GDF2: variants seen among roughly 807,000 people sequenced by gnomAD.
GDF2 encodes growth/differentiation factor 2.
GDF2 carries 17 observed loss-of-function variants against 16.9 expected under a neutral mutation model. The observed-to-expected ratio is 1.00, with a 90% CI of 0.69 to 1.51. The LOEUF (loss-of-function observed/expected upper bound fraction) is 1.51, where lower values mean the gene tolerates loss of function less well. GDF2 is among the 40% of genes most tolerant of loss of function. The probability of loss-of-function intolerance (pLI) is 0.00; values close to 1 mark genes in which losing one functional copy is unlikely to be tolerated. For missense variants in GDF2, 523 were observed against 556.3 expected, an observed-to-expected ratio of 0.94 and a Z score of 0.60; for synonymous variants, 276 against 237.6, an observed-to-expected ratio of 1.16 and a Z score of -1.49.
Position 47,325,628 on chromosome 10 carries a change from C to G in GDF2, c.1134C>G (p.Thr378=). 6.2e-7 allele frequency: 1 copy of G among 1,613,946 alleles called. No individual in the cohort carries two copies. The highest frequency in any genetic ancestry group is 8.5e-7 in the Non-Finnish European group (1 of 1,179,876). The change falls in exon 2 of 2, where the codon ACC becomes ACG. Residue 378 remains threonine (T), a synonymous_variant. Coordinates refer to ENST00000581492, the MANE Select transcript of GDF2 (RefSeq NM_016204.4). The stretch of plus-strand genomic sequence containing the variant: ...CGACGAAACACGCTATCGTGCAGAC[C>G]CTGGTGCATCTCAAGTTCCCCACAA... The part of the protein sequence containing the change: ...VTPTKHAIVQ[T]LVHLKFPTKV...
rs781935486 is a variant in GDF2, at chr10:47,325,692, C to A, written c.1198C>A (p.Pro400Thr). 6.2e-7 allele frequency: 1 copy of A among 1,606,636 alleles called. No homozygotes were observed. Among genetic ancestry groups the A allele is most frequent in the South Asian group, 1.1e-5 (1 of 89,926 alleles). The part of the protein sequence containing the change: ...KACCVPTKLS[P>T]ISVLYKDDMG... ...CTGCTGTGTGCCCACCAAACTGAGC[C>A]CCATCTCCGTCCTCTACAAGGATGA... is the stretch of plus-strand genomic sequence containing the variant. The change falls in exon 2 of 2, where the codon CCC (proline) becomes ACC (threonine). Residue 400 changes from proline (P) to threonine (T), a missense_variant. Transcript: ENST00000581492.
Position 47,323,004 on chromosome 10 carries a change from C to T in GDF2, c.336C>T (p.Phe112=), listed in dbSNP as rs2061090550. ...TTPASNIVRS[F]SMEDAISITA... The stretch of plus-strand genomic sequence containing the variant: ...CAGCGTCCAACATTGTGCGGAGCTT[C>T]AGCATGGAAGGTAGGGTCTCCGCTT... Residue 112 remains phenylalanine (F), a synonymous_variant, in exon 1 of 2, where the codon TTC becomes TTT. Transcript: ENST00000581492. 2 of 1,593,004 alleles carry T rather than the reference C, an allele frequency of 1.3e-6. No homozygotes were observed.
rs1469727324 is a variant in GDF2, at chr10:47,326,546, T to C, written c.*762T>C. 2.0e-5 allele frequency among the ~76,000 whole-genome samples: 3 copies of C among 152,196 alleles called. No individual in the cohort carries two copies. The highest frequency in any genetic ancestry group is 7.2e-5 in the African/African-American group (3 of 41,456). On this transcript the variant is annotated 3_prime_UTR_variant, in exon 2 of 2. Transcript: ENST00000581492. Reference sequence around the variant, plus strand: ...CTCAGCGGCCACATGCTTTTTAATATGACCCCTGAGGCACTGAAAAATAAC... The same window carrying C: ...CTCAGCGGCCACATGCTTTTTAATACGACCCCTGAGGCACTGAAAAATAAC...
chr10:47,324,139 A>G (rs1555208819), intron 1 of GDF2, among the ~76,000 whole-genome samples: 1 of 152,258 alleles, frequency 6.6e-6, no homozygotes, highest in African/African-American at 2.4e-5. Flanking sequence ...CGAGATAACT[A>G]TGTGGCTAAA....
chr10:47,325,188 A>G lies in GDF2; in HGVS notation c.694A>G (p.Ser232Gly). ...AAATAAGCTGGAAGTGACTGTGGAGAGCCACAGGAAGGGCTGCGACACGCT... is the reference window on the plus strand; with the variant it reads ...AAATAAGCTGGAAGTGACTGTGGAGGGCCACAGGAAGGGCTGCGACACGCT... ...SKNKLEVTVE[S>G]HRKGCDTLDI... Residue 232 changes from serine to glycine, a missense_variant, in exon 2 of 2, where the codon AGC (serine) becomes GGC (glycine). Transcript: ENST00000581492. 6.2e-7 allele frequency: 1 copy of G among 1,613,934 alleles called. No homozygotes were observed. The highest frequency in any genetic ancestry group is 8.5e-7 in the Non-Finnish European group (1 of 1,179,974).
At chr10:47,323,550 T>C (rs10508897) in intron 1 of GDF2, among the ~76,000 whole-genome samples, 3,486 of 152,348 alleles carry the variant, frequency 0.023, 148 homozygotes, top group African/African-American at 0.08. Context: ...TCAGATAAAA[T>C]TCTTGGACAG....
chr10:47,323,547 A>C (rs1349147909), intron 1 of GDF2, among the ~76,000 whole-genome samples: 2 of 152,262 alleles, frequency 1.3e-5, no homozygotes, highest in Non-Finnish European at 2.9e-5. Context: ...AAATCAGATA[A>C]AATTCTTGGA....
At position 47,325,021 on chromosome 10, in the gene GDF2, T is replaced by C. The variant is rs1555208886; in HGVS notation, c.527T>C (p.Leu176Pro). 6.2e-7 allele frequency: 1 copy of C among 1,614,110 alleles called. No individual in the cohort carries two copies. The highest frequency in any genetic ancestry group is 2.2e-5 in the East Asian group (1 of 44,882). The change falls in exon 2 of 2, where the codon CTG becomes CCG. Residue 176 changes from leucine to proline, a missense_variant. Leu to Pro is a moderately conservative substitution (Grantham distance 98). Coordinates refer to ENST00000581492, the MANE Select transcript of GDF2 (RefSeq NM_016204.4). Reference sequence around the variant, plus strand: ...GGAAGCGTGGTCATTTATGATGTTCTGGATGGAACAGATGCCTGGGATAGT... The same window carrying C: ...GGAAGCGTGGTCATTTATGATGTTCCGGATGGAACAGATGCCTGGGATAGT... ...LKGSVVIYDV[L>P]DGTDAWDSAT...
In GDF2 at chr10:47,322,525, G is replaced by A; in HGVS notation, c.-144G>A. 2 of 604,758 alleles carry A rather than the reference G, an allele frequency of 3.3e-6. No individual in the cohort carries two copies. Among genetic ancestry groups the A allele is most frequent in the Non-Finnish European group, 2.8e-6 (1 of 358,968 alleles). The allele number at this position is 604,758 out of a possible 1,614,324, so 37.5% of individuals were successfully genotyped here. ...GGAGGACAATCCAGCCCGGCAGCGG[G>A]TGAGAGTGGGTGCTGGCCAGGACGG... On this transcript the variant is annotated 5_prime_UTR_variant, in exon 1 of 2. The change creates a new upstream start codon in the 5' untranslated region. Coordinates refer to ENST00000581492, the MANE Select transcript of GDF2 (RefSeq NM_016204.4).
intron 1 of GDF2, among the ~76,000 whole-genome samples, chr10:47,323,432 C>T (rs531863637): frequency 1.3e-5 from 2 of 152,274 alleles, no homozygotes; most frequent in South Asian, 4.1e-4. Context: ...TTCCTGTCCC[C>T]TTCCTACTTC....
In GDF2 at chr10:47,325,541, G is replaced by A; in HGVS notation, c.1047G>A (p.Lys349=). 6.2e-7 allele frequency: 1 copy of A among 1,613,970 alleles called. No homozygotes were observed. Among genetic ancestry groups the A allele is most frequent in the South Asian group, 1.1e-5 (1 of 91,082 alleles). ...IGWDSWIIAP[K]EYEAYECKGG... ...GGGACAGCTGGATCATTGCACCCAAGGAGTATGAAGCCTACGAGTGTAAGG... is the reference window on the plus strand; with the variant it reads ...GGGACAGCTGGATCATTGCACCCAAAGAGTATGAAGCCTACGAGTGTAAGG... The change falls in exon 2 of 2, where the codon AAG becomes AAA. Residue 349 remains lysine (K), a synonymous_variant. Coordinates refer to ENST00000581492, the MANE Select transcript of GDF2 (RefSeq NM_016204.4).
chr10:47,323,007 C>T lies in GDF2; in HGVS notation c.339C>T (p.Ser113=). The T allele has an allele frequency of 6.3e-7, 1 of 1,592,152 alleles. No individual in the cohort carries two copies. The highest frequency in any genetic ancestry group is 8.6e-7 in the Non-Finnish European group (1 of 1,163,080). ...TPASNIVRSF[S]MEDAISITAT... ...CGTCCAACATTGTGCGGAGCTTCAG[C>T]ATGGAAGGTAGGGTCTCCGCTTGCA... The change falls in exon 1 of 2, where the codon AGC becomes AGT. Residue 113 remains serine (S), a synonymous_variant. Transcript: ENST00000581492.
chr10:47,323,463 T>C (rs1460756931), intron 1 of GDF2, among the ~76,000 whole-genome samples: 2 of 152,204 alleles, frequency 1.3e-5, no homozygotes, highest in Non-Finnish European at 2.9e-5. Context: ...AGGCAACCTA[T>C]TTCACCTCCA....
Position 47,322,656 on chromosome 10 carries a change from G to A in GDF2, c.-13G>A. ...CCTGCAGTCTCCTCTCTGGGTGATT[G>A]CGCGGGCCTAAGATGTGTCCTGGGG... On this transcript the variant is annotated 5_prime_UTR_variant, in exon 1 of 2. Transcript: ENST00000581492. 2 of 1,491,890 alleles carry A rather than the reference G, an allele frequency of 1.3e-6. No individual in the cohort carries two copies. The highest frequency in any genetic ancestry group is 2.4e-5 in the East Asian group (1 of 41,192). 92.4% of individuals were successfully genotyped at this position (1,491,890 alleles called of 1,614,324 possible). A position where few individuals can be genotyped will look rare whatever the true frequency, so the allele number is the denominator to read the frequency against.
At position 47,324,844 on chromosome 10, in the gene GDF2, C is replaced by T; in HGVS notation, c.350C>T (p.Ala117Val). The change falls in exon 2 of 2, where the codon GCC (alanine) becomes GTC (valine). Residue 117 changes from alanine to valine, a missense_variant. Transcript: ENST00000581492. ...NIVRSFSMED[A>V]ISITATEDFP... ...ACCACGTGTGTTTGCATTTCAGATG[C>T]CATCTCCATAACTGCCACAGAGGAC... 6.2e-7 allele frequency: 1 copy of T among 1,607,622 alleles called. No homozygotes were observed. The highest frequency in any genetic ancestry group is 1.1e-5 in the South Asian group (1 of 90,946).
intron 1 of GDF2, 94 bp downstream of exon 1, chr10:47,323,108 C>T: frequency 1.3e-6 from 1 of 766,188 alleles, no homozygotes; most frequent in Non-Finnish European, 2.1e-6. Flanking sequence ...ATAGGAGGCT[C>T]TTCAAGCTTC....
At chr10:47,324,130 G>A (rs1485955506) in intron 1 of GDF2, among the ~76,000 whole-genome samples, 2 of 152,234 alleles carry the variant, frequency 1.3e-5, no homozygotes, top group African/African-American at 2.4e-5. Flanking sequence ...ATGGGATATC[G>A]AGATAACTAT....
At chr10:47,323,946 G>A (rs1347470778) in intron 1 of GDF2, among the ~76,000 whole-genome samples, 2 of 152,234 alleles carry the variant, frequency 1.3e-5, no homozygotes, top group African/African-American at 4.8e-5. Flanking sequence ...TAACTGGTCT[G>A]CAGAGGCAGG....
At position 47,322,788 on chromosome 10, in the gene GDF2, A is replaced by G; in HGVS notation, c.120A>G (p.Pro40=). ...RGSAGGNAHS[P]LGVPGGGLPE... The stretch of plus-strand genomic sequence containing the variant: ...CTGCTGGGGGAAACGCCCACAGCCC[A>G]CTGGGGGTGCCTGGAGGTGGGCTGC... Residue 40 remains proline (P), a synonymous_variant, in exon 1 of 2, where the codon CCA becomes CCG. Coordinates refer to ENST00000581492, the MANE Select transcript of GDF2 (RefSeq NM_016204.4). The G allele has an allele frequency of 1.2e-6, 2 of 1,613,702 alleles. No homozygotes were observed. Among genetic ancestry groups the G allele is most frequent in the Non-Finnish European group, 1.7e-6 (2 of 1,179,858 alleles).
Sources: gnomAD v4.1 joint callset for allele counts (sites outside exome capture counted in the v4.1 genomes callset) on GRCh38, gnomAD v4.1.1 for gene constraint, MANE v1.5 for transcripts, NCBI Gene and HGNC (gene_info 2026-07-23, HGNC 2026-07-21) for gene names.